Variants in MGAT4C observed in about 807,000 individuals in gnomAD.
MGAT4C encodes MGAT4 family member C.
Under a neutral mutation model 40.1 loss-of-function variants are expected in MGAT4C, and 19 were observed. The observed-to-expected ratio is 0.47, with a 90% CI of 0.33 to 0.70. The LOEUF is 0.70. Ranked by LOEUF, MGAT4C falls within the 30% of genes least tolerant of loss-of-function variation. The pLI, the probability that MGAT4C is intolerant of heterozygous loss-of-function variation, is 0.02. For missense variants in MGAT4C, 491 were observed against 563.2 expected (o/e 0.87, Z 1.30); for synonymous variants, 181 against 187.1 (o/e 0.97, Z 0.27).
chr12:86,131,951 C>T (rs1167776859), intron 1 of MGAT4C, among the ~76,000 whole-genome samples: 1 of 151,792 alleles, frequency 6.6e-6, no homozygotes, highest in South Asian at 2.1e-4. Context: ...ATTTTTAAAA[C>T]GAGAATAGAT....
chr12:86,771,121 C>T (rs1174027807), intron 1 of MGAT4C, among the ~76,000 whole-genome samples: 2 of 151,966 alleles, frequency 1.3e-5, no homozygotes, highest in Non-Finnish European at 2.9e-5. Flanking sequence ...GATAAGACAG[C>T]CATATTCAAG....
At chr12:86,633,073 A>C (rs2136508831) in intron 2 of MGAT4C, among the ~76,000 whole-genome samples, 1 of 151,892 alleles carries the variant, frequency 6.6e-6, no homozygotes, top group Non-Finnish European at 1.5e-5. Flanking sequence ...TTGAAGGGAT[A>C]ATGTGTATAT....
chr12:86,062,964 A>C (rs1025063307), intron 1 of MGAT4C, among the ~76,000 whole-genome samples: 2 of 152,194 alleles, frequency 1.3e-5, no homozygotes, highest in Non-Finnish European at 2.9e-5. Context: ...AATATTATCC[A>C]GGAGAACTTC....
chr12:86,707,072 G>A (rs1210571920), intron 2 of MGAT4C, among the ~76,000 whole-genome samples: 1 of 152,166 alleles, frequency 6.6e-6, no homozygotes, highest in Middle Eastern at 3.2e-3. Context: ...AAAACTGTAA[G>A]TCCTTTAAAC....
chr12:86,299,955 T>C (rs573627928), intron 4 of MGAT4C, among the ~76,000 whole-genome samples: 8 of 152,344 alleles, frequency 5.3e-5, no homozygotes, highest in Admixed American at 3.3e-4. Context: ...TAATAAACTT[T>C]GCATTTTAAG....
chr12:86,305,296 G>T (rs781345569), intron 4 of MGAT4C, among the ~76,000 whole-genome samples: 1 of 149,756 alleles, frequency 6.7e-6, no homozygotes, highest in Non-Finnish European at 1.5e-5. Context: ...AAAATTAGCC[G>T]GGCATGGTGG....
chr12:86,443,593 T>A, intron 2 of MGAT4C, among the ~76,000 whole-genome samples: 1 of 152,232 alleles, frequency 6.6e-6, no homozygotes, highest in African/African-American at 2.4e-5. Flanking sequence ...TTTTTGTTGT[T>A]GTTTTTGTTT....
Position 86,124,450 on chromosome 12 carries a change from C to T in MGAT4C, c.-56-74727G>A, listed in dbSNP as rs558001028. 6.6e-5 allele frequency among the ~76,000 whole-genome samples: 10 copies of T among 152,092 alleles called. No individual in the cohort carries two copies. The South Asian group carries it at 1.9e-3, about 28-fold the overall frequency. On this transcript the variant is annotated intron_variant, in intron 1 of 4. Transcript: ENST00000611864. ...TCGCATTCTAAGAATTTTAAGGAAC[C>T]TTTGATAAAAGTGGAAATATTGGGA...
At chr12:86,002,571 T>C (rs928110925) in intron 2 of MGAT4C, 2 of 151,382 alleles carry the variant, frequency 1.3e-5, no homozygotes, top group African/African-American at 2.4e-5. Context: ...TTATAATATA[T>C]GTATACATTA....
At chr12:86,433,447 T>C (rs1470342116) in intron 3 of MGAT4C, among the ~76,000 whole-genome samples, 2 of 151,800 alleles carry the variant, frequency 1.3e-5, no homozygotes, top group Non-Finnish European at 2.9e-5. Context: ...TACTTTTTTG[T>C]TGTTGTAGCT....
At chr12:86,034,425 T>G (rs1206201092) in intron 2 of MGAT4C, among the ~76,000 whole-genome samples, 2 of 149,416 alleles carry the variant, frequency 1.3e-5, no homozygotes, top group African/African-American at 2.4e-5. Context: ...GATCTTATAT[T>G]GGAAGTCATT....
rs184263162 is a variant in MGAT4C, at chr12:86,191,133, A to C, written c.-57+65106T>G. Among the ~76,000 whole-genome samples the C allele has an allele frequency of 2.3e-3, 290 of 123,594 alleles. 2 individuals carry two copies. The highest frequency in any genetic ancestry group is 4.9e-3 in the African/African-American group (151 of 30,522). The allele number at this position is 123,594 out of a possible 152,430, so 81.1% of individuals were successfully genotyped here. Reference sequence around the variant, plus strand: ...CACACACACACACACACACACACACACCCCTATAGGGTCTGTTTCTCTAAA... The same window carrying C: ...CACACACACACACACACACACACACCCCCCTATAGGGTCTGTTTCTCTAAA... On this transcript the variant is annotated intron_variant, in intron 1 of 4. Coordinates refer to ENST00000611864, the MANE Select transcript of MGAT4C (RefSeq NM_001351288.2).
At chr12:86,077,646 A>G (rs6539947) in intron 1 of MGAT4C, among the ~76,000 whole-genome samples, 121,647 of 152,074 alleles carry the variant, frequency 0.8, 49,342 homozygotes, top group East Asian at 0.97. Context: ...AGCAGGTCAT[A>G]GTTTTTTCCT....
chr12:86,047,766 A>C (rs1021952414), intron 2 of MGAT4C, among the ~76,000 whole-genome samples: 2 of 152,194 alleles, frequency 1.3e-5, no homozygotes, highest in African/African-American at 4.8e-5. Flanking sequence ...GAATGAATTC[A>C]TGCTATTTGT....
At position 86,443,205 on chromosome 12, in the gene MGAT4C, TACAC is replaced by T. The variant is rs199586329; in HGVS notation, c.-228-7944_-228-7941del. Among the ~76,000 whole-genome samples, 3 of 150,308 alleles carry T rather than the reference TACAC, an allele frequency of 2.0e-5. No homozygotes were observed. In the East Asian group the frequency reaches 6.0e-4, roughly 30 times the overall value. On this transcript the variant is annotated intron_variant, in intron 2 of 7. Transcript: ENST00000548651. Reference sequence around the variant, plus strand: ...ATATATGTGTGTGTGTGTATATATATACACACACACACACACATATATACACATG... The same window carrying T: ...ATATATGTGTGTGTGTGTATATATATACACACACACACATATATACACATG...
chr12:86,446,488 T>C (rs2136283203), intron 2 of MGAT4C, among the ~76,000 whole-genome samples: 1 of 151,578 alleles, frequency 6.6e-6, no homozygotes, highest in East Asian at 1.9e-4. Flanking sequence ...ATTTGCAAAA[T>C]GAATGTCTTA....
chr12:86,359,131 C>T (rs909406333), intron 3 of MGAT4C, among the ~76,000 whole-genome samples: 1 of 152,192 alleles, frequency 6.6e-6, no homozygotes, highest in African/African-American at 2.4e-5. Flanking sequence ...AACTGTCTTT[C>T]AGACCACAGT....
At position 86,700,162 on chromosome 12, in the gene MGAT4C, CAGACAGACAGACAGACAGAT is replaced by C. The variant is rs1452289549; in HGVS notation, c.-229+27027_-229+27046del. ...ATAGACAGACAGACAGACAGACAGACAGACAGACAGACAGACAGATAGATAGATAGATAGATAGATAGATA... is the reference window on the plus strand; with the variant it reads ...ATAGACAGACAGACAGACAGACAGACAGATAGATAGATAGATAGATAGATA... On this transcript the variant is annotated intron_variant, in intron 2 of 7. Coordinates refer to the MGAT4C transcript ENST00000548651. 6.9e-3 allele frequency among the ~76,000 whole-genome samples: 291 copies of C among 41,946 alleles called. 1 individual carries two copies. The highest frequency in any genetic ancestry group is 0.018 in the African/African-American group (283 of 15,880). The allele number at this position is 41,946 out of a possible 152,430, so 27.5% of individuals were successfully genotyped here.
chr12:86,533,567 C>T (rs779903630), intron 2 of MGAT4C, among the ~76,000 whole-genome samples: 6 of 151,122 alleles, frequency 4.0e-5, no homozygotes, highest in East Asian at 1.9e-4. Context: ...TGTGTGTGTG[C>T]GTGTATGTAT....
Sources: gnomAD v4.1 joint callset for allele counts (sites outside exome capture counted in the v4.1 genomes callset) on GRCh38, gnomAD v4.1.1 for gene constraint, MANE v1.5 for transcripts, NCBI Gene and HGNC (gene_info 2026-07-23, HGNC 2026-07-21) for gene names.